Variants in DPYD observed in about 807,000 individuals in gnomAD.
DPYD encodes dihydropyrimidine dehydrogenase.
Under a neutral mutation model 116.2 loss-of-function variants are expected in DPYD, and 109 were observed. The ratio of observed to expected loss-of-function variants is 0.94; its 90% CI spans 0.80 to 1.10. The LOEUF is 1.10. Ranked by LOEUF, DPYD falls within the 50% of genes least tolerant of loss-of-function variation. The pLI is 0.00. For missense variants in DPYD, 1,302 were observed against 1,254.5 expected, an observed-to-expected ratio of 1.04 and a Z score of -0.57; for synonymous variants, 440 against 432.0, an observed-to-expected ratio of 1.02 and a Z score of -0.23.
intron 18 of DPYD, 92 bp downstream of exon 18, chr1:97,305,167 G>T (rs1667082345): frequency 6.3e-7 from 1 of 1,585,128 alleles, no homozygotes; most frequent in Non-Finnish European, 8.6e-7. Flanking sequence ...AAGAATTTGG[G>T]ATCATAAAGG....
intron 8 of DPYD, among the ~76,000 whole-genome samples, chr1:97,652,965 C>T (rs1048449830): frequency 6.6e-5 from 10 of 152,086 alleles, no homozygotes; most frequent in Non-Finnish European, 1.2e-4. Flanking sequence ...TTCAAGTCTC[C>T]GTGTTATGGT....
chr1:97,730,190 T>C (rs1309548118), intron 4 of DPYD, among the ~76,000 whole-genome samples: 1 of 152,124 alleles, frequency 6.6e-6, no homozygotes, highest in Non-Finnish European at 1.5e-5. Flanking sequence ...GGCAACTACA[T>C]ATATAATACT....
Position 97,079,021 on chromosome 1 carries a change from A to T in DPYD, c.3033T>A (p.Tyr1011Ter). 6.2e-7 allele frequency: 1 copy of T among 1,613,782 alleles called. No individual in the cohort carries two copies. The highest frequency in any genetic ancestry group is 1.1e-5 in the South Asian group (1 of 91,078). Residue 1011 changes from tyrosine to a stop codon, truncating the protein, a stop_gained, in exon 23 of 23, where the codon TAT becomes TAA. Coordinates refer to ENST00000370192, the MANE Select transcript of DPYD (RefSeq NM_000110.4). LOFTEE classifies it high-confidence loss of function. ...CIKMVSRTTP[Y>*]EPKRGVPLSV... ...ATAAGGGTACGCCTCTCTTTGGTTCATAAGGTGTTGTCCTGGAAACCATTT... is the reference window on the plus strand; with the variant it reads ...ATAAGGGTACGCCTCTCTTTGGTTCTTAAGGTGTTGTCCTGGAAACCATTT...
intron 12 of DPYD, among the ~76,000 whole-genome samples, chr1:97,532,914 T>G (rs1048957469): frequency 5.1e-5 from 6 of 117,544 alleles, no homozygotes; most frequent in Non-Finnish European, 1.1e-4. Context: ...CTTAGTTGTT[T>G]TTTTTTTTTG....
At chr1:97,413,930 A>G (rs1674149504) in intron 14 of DPYD, among the ~76,000 whole-genome samples, 1 of 152,132 alleles carries the variant, frequency 6.6e-6, no homozygotes, top group Non-Finnish European at 1.5e-5. Context: ...AGTGCACAAC[A>G]TACTCACACC....
At position 97,449,907 on chromosome 1, in the gene DPYD, CTTTTT is replaced by C. The variant is rs1020679489; in HGVS notation, c.1905+147_1905+151del. The C allele has an allele frequency of 1.3e-5, 13 of 1,005,822 alleles. No homozygotes were observed. In the Admixed American group the frequency reaches 3.3e-4, roughly 26 times the overall value. The allele number at this position is 1,005,822 out of a possible 1,614,324, so 62.3% of individuals were successfully genotyped here. A position where few individuals can be genotyped will look rare whatever the true frequency, so the allele number is the denominator to read the frequency against. On this transcript the variant is annotated intron_variant, in intron 14 of 22. Coordinates refer to ENST00000370192, the MANE Select transcript of DPYD (RefSeq NM_000110.4). The stretch of plus-strand genomic sequence containing the variant: ...TTTATGAGTTCTTGAGCTTTTCTTT[CTTTTT>C]TATCTTTCTATGCATCAGCAAAGCA...
At chr1:97,148,259 G>GGA (rs1654780805) in intron 20 of DPYD, among the ~76,000 whole-genome samples, 6 of 150,546 alleles carry the variant, frequency 4.0e-5, no homozygotes, top group Admixed American at 1.3e-4. Flanking sequence ...TGTGTGGGGG[G>GGA]GGTGTGTGTG....
intron 2 of DPYD, among the ~76,000 whole-genome samples, chr1:97,841,281 A>C (rs1670024158): frequency 6.6e-6 from 1 of 152,084 alleles, no homozygotes. Flanking sequence ...ATCACTCATC[A>C]TTATTCCCTG....
chr1:97,466,979 G>A (rs911145534), intron 13 of DPYD, among the ~76,000 whole-genome samples: 3 of 152,100 alleles, frequency 2.0e-5, no homozygotes, highest in Non-Finnish European at 4.4e-5. Context: ...GGAAATAAAG[G>A]AAAAACTTGA....
intron 3 of DPYD, among the ~76,000 whole-genome samples, chr1:97,780,996 T>C (rs1301310313): frequency 6.6e-6 from 1 of 152,182 alleles, no homozygotes. Flanking sequence ...AGAAGCTTCA[T>C]AATGTCCAGA....
chr1:97,343,732 TGAGTG>T (rs1669701912), intron 16 of DPYD, among the ~76,000 whole-genome samples: 2 of 152,036 alleles, frequency 1.3e-5, no homozygotes, highest in Admixed American at 1.3e-4. Flanking sequence ...CCTTAATATA[TGAGTG>T]CTAAAGCTAC....
chr1:97,531,870 C>T (rs1002378160), intron 12 of DPYD, among the ~76,000 whole-genome samples: 10 of 151,868 alleles, frequency 6.6e-5, no homozygotes, highest in African/African-American at 1.2e-4. Flanking sequence ...GTACTTTATT[C>T]TTTCTGGTCT....
chr1:97,408,418 T>G (rs1395330022), intron 14 of DPYD, among the ~76,000 whole-genome samples: 1 of 152,196 alleles, frequency 6.6e-6, no homozygotes, highest in East Asian at 1.9e-4. Flanking sequence ...TATCATGTGA[T>G]GTAAGATTTA....
chr1:97,249,568 T>C (rs1356626859), intron 18 of DPYD, among the ~76,000 whole-genome samples: 1 of 151,448 alleles, frequency 6.6e-6, no homozygotes, highest in Non-Finnish European at 1.5e-5. Context: ...AAAAATTTCA[T>C]GGAAAGGATG....
intron 14 of DPYD, among the ~76,000 whole-genome samples, chr1:97,437,790 G>A (rs1020721540): frequency 3.3e-5 from 5 of 151,776 alleles, no homozygotes; most frequent in African/African-American, 1.2e-4. Flanking sequence ...AGTAATTTTG[G>A]TAGGTATCTG....
intron 21 of DPYD, among the ~76,000 whole-genome samples, chr1:97,084,192 T>G (rs1649349163): frequency 6.6e-6 from 1 of 152,048 alleles, no homozygotes; most frequent in South Asian, 2.1e-4. Flanking sequence ...TTTTTCTATC[T>G]TATTTCTCAG....
intron 3 of DPYD, among the ~76,000 whole-genome samples, chr1:97,793,025 T>C (rs977368745): frequency 2.0e-5 from 3 of 152,232 alleles, no homozygotes; most frequent in African/African-American, 7.2e-5. Context: ...AATAATAATG[T>C]ATCAATACTG....
At chr1:97,840,253 A>T (rs1669972653) in intron 2 of DPYD, among the ~76,000 whole-genome samples, 1 of 152,106 alleles carries the variant, frequency 6.6e-6, no homozygotes. Flanking sequence ...GACAAAAAAA[A>T]ACCCAGAACA....
At position 97,546,783 on chromosome 1, in the gene DPYD, C is replaced by T. The variant is rs1650900265; in HGVS notation, c.1524+2777G>A. 5 of 1,612,924 alleles carry T rather than the reference C, an allele frequency of 3.1e-6. No individual in the cohort carries two copies. The Admixed American group carries it at 8.3e-5, about 27-fold the overall frequency. ...AGTATACTGTGTTTCTGAGATCAGA[C>T]TCCTATATGGGTTTGGATCAGATTA... On this transcript the variant is annotated intron_variant, in intron 12 of 22. Coordinates refer to ENST00000370192, the MANE Select transcript of DPYD (RefSeq NM_000110.4).
Sources: allele counts gnomAD v4.1 joint callset (sites outside exome capture counted in the v4.1 genomes callset), GRCh38; gene constraint gnomAD v4.1.1; transcripts MANE v1.5; gene names NCBI Gene and HGNC (gene_info 2026-07-23, HGNC 2026-07-21).